CRLF3: variants seen among roughly 807,000 people sequenced by gnomAD.
The protein encoded by CRLF3 is cytokine receptor like factor 3.
A neutral mutation model predicts 55.0 loss-of-function variants in CRLF3; 33 were observed. That is an observed-to-expected ratio of 0.60 (90% CI 0.46 to 0.80). The LOEUF (loss-of-function observed/expected upper bound fraction) is 0.80. CRLF3 is among the 30% of genes least tolerant of loss of function. CRLF3 has a pLI of 0.00. For missense variants in CRLF3, 494 were observed against 538.4 expected, an observed-to-expected ratio of 0.92 and a Z score of 0.82; for synonymous variants, 238 against 196.8, an observed-to-expected ratio of 1.21 and a Z score of -1.75.
chr17:30,805,413 T>C (rs1904365886), intron 1 of CRLF3, among the ~76,000 whole-genome samples: 1 of 151,830 alleles, frequency 6.6e-6, no homozygotes, highest in Non-Finnish European at 1.5e-5. Context: ...AAAGAAGTGG[T>C]AGATTAAAAA....
chr17:30,815,702 C>G (rs1904777584), intron 1 of CRLF3, among the ~76,000 whole-genome samples: 1 of 149,774 alleles, frequency 6.7e-6, no homozygotes, highest in Non-Finnish European at 1.5e-5. Flanking sequence ...CCACCACACC[C>G]ACCTAACTTT....
At position 30,785,905 on chromosome 17, in the gene CRLF3, T is replaced by C. The variant is rs200550217; in HGVS notation, c.1072+14A>G. 86 of 1,330,512 alleles carry C rather than the reference T, an allele frequency of 6.5e-5. No individual in the cohort carries two copies. Among genetic ancestry groups the C allele is most frequent in the Middle Eastern group, 1.8e-4 (1 of 5,470 alleles). The allele number at this position is 1,330,512 out of a possible 1,614,324, so 82.4% of individuals were successfully genotyped here. A position where few individuals can be genotyped will look rare whatever the true frequency, so the allele number is the denominator to read the frequency against. The stretch of plus-strand genomic sequence containing the variant: ...AATATATTTCCAAGAGAATGACAGT[T>C]ATTTATCTCTTACCATTTGTACTAA... On this transcript the variant is annotated intron_variant, in intron 7 of 7. Transcript: ENST00000324238.
intron 7 of CRLF3, chr17:30,784,799 C>T (rs1185365546): frequency 9.8e-6 from 2 of 204,544 alleles, no homozygotes; most frequent in Non-Finnish European, 9.9e-6. Flanking sequence ...ACTCTTGTTG[C>T]CCAGGCTGGA....
Position 30,793,532 on chromosome 17 carries a change from T to C in CRLF3, c.744A>G (p.Arg248=), listed in dbSNP as rs1057290422. 9 of 1,614,168 alleles carry C rather than the reference T, an allele frequency of 5.6e-6. No individual in the cohort carries two copies. Among genetic ancestry groups the C allele is most frequent in the African/African-American group, 2.7e-5 (2 of 75,038 alleles). Residue 248 remains arginine (R), a synonymous_variant, in exon 5 of 8, where the codon AGA becomes AGG. Coordinates refer to ENST00000324238, the MANE Select transcript of CRLF3 (RefSeq NM_015986.4). ...HIDPNVDYQF[R]VCARGDGRQE... The stretch of plus-strand genomic sequence containing the variant: ...GTCGGCCATCTCCTCGGGCGCAGAC[T>C]CTGAACTGGTAATCAACGTTGGGGT...
intron 1 of CRLF3, among the ~76,000 whole-genome samples, chr17:30,819,666 C>T (rs377651648): frequency 6.6e-5 from 10 of 152,116 alleles, no homozygotes; most frequent in Admixed American, 3.9e-4. Flanking sequence ...TTAGTAGAGA[C>T]GGGGTTTCAC....
intron 1 of CRLF3, chr17:30,809,668 T>G (rs1904547938): frequency 6.6e-6 from 1 of 152,216 alleles, no homozygotes; most frequent in Non-Finnish European, 1.5e-5. Flanking sequence ...ACTTTTTTTT[T>G]GAGACAGGTT....
At position 30,784,006 on chromosome 17, in the gene CRLF3, T is replaced by C. The variant is rs1376931185; in HGVS notation, c.*181A>G. ...TAAAAATAAAATTGACTGAATTGTATGATTTTGTCCACAACATTGAAGTCT... is the reference window on the plus strand; with the variant it reads ...TAAAAATAAAATTGACTGAATTGTACGATTTTGTCCACAACATTGAAGTCT... On this transcript the variant is annotated 3_prime_UTR_variant, in exon 8 of 8. Transcript: ENST00000324238. 1.8e-6 allele frequency: 1 copy of C among 561,252 alleles called. No individual in the cohort carries two copies. The highest frequency in any genetic ancestry group is 1.9e-5 in the African/African-American group (1 of 52,906). The allele number at this position is 561,252 out of a possible 1,614,324, so 34.8% of individuals were successfully genotyped here.
chr17:30,786,671 C>G (rs1469155135), intron 6 of CRLF3: 1 of 150,386 alleles, frequency 6.6e-6, no homozygotes, highest in Non-Finnish European at 1.5e-5. Flanking sequence ...GACTCAAACA[C>G]AGGCATTCTG....
intron 1 of CRLF3, among the ~76,000 whole-genome samples, chr17:30,807,331 T>C (rs1408466373): frequency 2.0e-5 from 3 of 151,826 alleles, no homozygotes; most frequent in Non-Finnish European, 4.4e-5. Context: ...ACAGTTAATA[T>C]AGAGATTTAA....
rs528778340 is a variant in CRLF3, at chr17:30,806,287, C to T, written c.130-2179G>A. 5.3e-5 allele frequency among the ~76,000 whole-genome samples: 8 copies of T among 152,252 alleles called. No homozygotes were observed. In the East Asian group the frequency reaches 1.4e-3, roughly 26 times the overall value. On this transcript the variant is annotated intron_variant, in intron 1 of 7. Transcript: ENST00000324238. ...TTCCCCAAAAAATACATAATCTATA[C>T]CCTAAAAAATTATTCAATTGCAGAA...
Position 30,792,392 on chromosome 17 carries a change from C to T in CRLF3, c.959+48G>A, listed in dbSNP as rs764747912. 9 of 1,564,920 alleles carry T rather than the reference C, an allele frequency of 5.8e-6. No homozygotes were observed. In the Admixed American group the frequency reaches 1.3e-4, roughly 23 times the overall value. On this transcript the variant is annotated intron_variant, in intron 6 of 7. Transcript: ENST00000324238. Reference sequence around the variant, plus strand: ...TCAAAGCTTATGTATGCTCTATGCACTTCACTCTGCTTCCTGAGGCAGGTG... The same window carrying T: ...TCAAAGCTTATGTATGCTCTATGCATTTCACTCTGCTTCCTGAGGCAGGTG...
rs1971556040 is a variant in CRLF3 at position 30,783,631 on chromosome 17, AAAG to A, written c.*553_*555del. 6.6e-6 allele frequency: 1 copy of A among 152,310 alleles called. No homozygotes were observed. The highest frequency in any genetic ancestry group is 2.1e-4 in the South Asian group (1 of 4,832). The allele number at this position is 152,310 out of a possible 1,614,324, so 9.4% of individuals were successfully genotyped here. The stretch of plus-strand genomic sequence containing the variant: ...AGACTCCGTCTCAACAAAAAAAGAA[AAAG>A]TTATAATGTTTTGGGGACTTAAAGA... On this transcript the variant is annotated 3_prime_UTR_variant, in exon 8 of 8. Coordinates refer to ENST00000324238, the MANE Select transcript of CRLF3 (RefSeq NM_015986.4).
chr17:30,789,425 G>C (rs577259343), intron 6 of CRLF3, among the ~76,000 whole-genome samples: 1 of 152,244 alleles, frequency 6.6e-6, no homozygotes, highest in East Asian at 1.9e-4. Context: ...AAGCAGGAGA[G>C]CATCAGATCA....
chr17:30,815,409 A>G (rs1171849669), intron 1 of CRLF3, among the ~76,000 whole-genome samples: 3 of 151,314 alleles, frequency 2.0e-5, no homozygotes, highest in Admixed American at 2.0e-4. Flanking sequence ...TTTAGTAGAG[A>G]TGGGGTTTCA....
In CRLF3 at chr17:30,803,694, T is replaced by A. The variant is rs957246498; in HGVS notation, c.337+207A>T. 1.9e-5 allele frequency: 11 copies of A among 565,232 alleles called. No individual in the cohort carries two copies. The African/African-American group carries it at 2.1e-4, about 11-fold the overall frequency. 35.0% of individuals were successfully genotyped at this position (565,232 alleles called of 1,614,324 possible). A position where few individuals can be genotyped will look rare whatever the true frequency, so the allele number is the denominator to read the frequency against. Reference sequence around the variant, plus strand: ...AATGGTATTTTAAGGGGAAACCCCTTTCGCTTGGCTCTCATTCTCTTCTCT... The same window carrying A: ...AATGGTATTTTAAGGGGAAACCCCTATCGCTTGGCTCTCATTCTCTTCTCT... On this transcript the variant is annotated intron_variant, in intron 2 of 7. Transcript: ENST00000324238.
Position 30,792,546 on chromosome 17 carries a change from T to A in CRLF3, c.853A>T (p.Ser285Cys). The change falls in exon 6 of 8, where the codon AGT (serine) becomes TGT (cysteine). Residue 285 changes from serine (S) to cysteine (C), a missense_variant. Physicochemically the swap from Ser to Cys is moderately radical, Grantham distance 112. Transcript: ENST00000324238. ...HEWTAGFEGY[S>C]LSSRRNIALR... The stretch of plus-strand genomic sequence containing the variant: ...GCTATATTTCTTCGACTGCTCAGAC[T>A]GTACCCCTCAAAACCAGCTGTCCAC... 6.2e-7 allele frequency: 1 copy of A among 1,606,770 alleles called. No homozygotes were observed. The highest frequency in any genetic ancestry group is 8.5e-7 in the Non-Finnish European group (1 of 1,173,930).
chr17:30,790,119 C>G lies in CRLF3; in HGVS notation c.959+2321G>C, dbSNP rs1272010793. Among the ~76,000 whole-genome samples, 4 of 152,052 alleles carry G rather than the reference C, an allele frequency of 2.6e-5. No individual in the cohort carries two copies. The East Asian group carries it at 7.7e-4, about 29-fold the overall frequency. ...TATAATCTGACAACCGCTGACAATT[C>G]AAATTACTTAGCTGGAGAGGAATAC... On this transcript the variant is annotated intron_variant, in intron 6 of 7. Transcript: ENST00000324238.
intron 1 of CRLF3, among the ~76,000 whole-genome samples, chr17:30,818,171 A>T (rs1170753047): frequency 6.6e-6 from 1 of 151,776 alleles, no homozygotes; most frequent in Admixed American, 6.6e-5. Flanking sequence ...GAGGCAAGAG[A>T]ATTGCTTGAA....
chr17:30,796,648 A>G (rs1009933808), intron 3 of CRLF3, among the ~76,000 whole-genome samples: 3 of 152,186 alleles, frequency 2.0e-5, no homozygotes, highest in African/African-American at 4.8e-5. Flanking sequence ...TGGATTGAAA[A>G]AATGTGTAGT....
Sources: gnomAD v4.1 joint callset for allele counts (sites outside exome capture counted in the v4.1 genomes callset) on GRCh38, gnomAD v4.1.1 for gene constraint, MANE v1.5 for transcripts, NCBI Gene and HGNC (gene_info 2026-07-23, HGNC 2026-07-21) for gene names.